RBMS3: variants seen among roughly 807,000 people sequenced by gnomAD.
RBMS3 encodes RNA-binding motif, single-stranded-interacting protein 3.
RBMS3 carries 27 observed loss-of-function variants against 66.8 expected under a neutral mutation model. The ratio of observed to expected loss-of-function variants is 0.40; its 90% CI spans 0.30 to 0.56. RBMS3 has a LOEUF of 0.56. RBMS3 is among the 20% of genes least tolerant of loss of function. The pLI is 0.40. For synonymous variants in RBMS3, 188 were observed against 183.0 expected (o/e 1.03, Z -0.22); for missense variants, 513 against 549.5 (o/e 0.93, Z 0.66).
intron 2 of RBMS3, among the ~76,000 whole-genome samples, chr3:29,446,322 A>G (rs74280189): frequency 9.7e-6 from 1 of 102,638 alleles, no homozygotes; most frequent in Non-Finnish European, 2.5e-5. Context: ...TCATATTTTT[A>G]TATAGCAGGA....
At chr3:29,922,303 A>G (rs1355143656) in intron 10 of RBMS3, among the ~76,000 whole-genome samples, 1 of 151,360 alleles carries the variant, frequency 6.6e-6, no homozygotes, top group African/African-American at 2.4e-5. Context: ...CTGGCTAACA[A>G]GGTGAAACCC....
chr3:29,905,193 C>T (rs1294466115), intron 10 of RBMS3, among the ~76,000 whole-genome samples: 3 of 151,878 alleles, frequency 2.0e-5, no homozygotes. Flanking sequence ...AATGGGTGTG[C>T]CTTGAGTTCC....
intron 4 of RBMS3, among the ~76,000 whole-genome samples, chr3:29,642,506 G>C (rs1409745889): frequency 1.3e-5 from 2 of 151,992 alleles, no homozygotes; most frequent in Non-Finnish European, 2.9e-5. Context: ...CCACCAAAAA[G>C]CATTTCATCT....
chr3:29,710,508 C>T (rs929973896), intron 4 of RBMS3, among the ~76,000 whole-genome samples: 8 of 152,132 alleles, frequency 5.3e-5, no homozygotes, highest in Admixed American at 3.3e-4. Flanking sequence ...GCTACACAGT[C>T]GCAGGCACAG....
At chr3:29,687,862 G>T (rs2051800665) in intron 4 of RBMS3, among the ~76,000 whole-genome samples, 1 of 151,858 alleles carries the variant, frequency 6.6e-6, no homozygotes, top group Non-Finnish European at 1.5e-5. Flanking sequence ...AGCTTCAAGG[G>T]GATTATTAGA....
Position 29,851,129 on chromosome 3 carries a change from A to G in RBMS3, c.638-17729A>G, listed in dbSNP as rs1370730700. Among the ~76,000 whole-genome samples, 3 of 152,084 alleles carry G rather than the reference A, an allele frequency of 2.0e-5. No homozygotes were observed. The East Asian group carries it at 5.8e-4, about 29-fold the overall frequency. On this transcript the variant is annotated intron_variant, in intron 6 of 14. Coordinates refer to ENST00000383767, the MANE Select transcript of RBMS3 (RefSeq NM_001003793.3). ...TCCTTACATTACCTTATCTTTTTTTAGCACTTCACAATTGAAGTTTTATTT... is the reference window on the plus strand; with the variant it reads ...TCCTTACATTACCTTATCTTTTTTTGGCACTTCACAATTGAAGTTTTATTT...
chr3:29,317,164 G>A lies in RBMS3; in HGVS notation c.75+35408G>A, dbSNP rs555434068. Among the ~76,000 whole-genome samples, 23 of 151,826 alleles carry A rather than the reference G, an allele frequency of 1.5e-4. 1 individual carries two copies. In the South Asian group the frequency reaches 1.9e-3, roughly 12 times the overall value. ...CTAAAAGGAAGCCTATTCATATTGC[G>A]TACTGTGACATTTATTCTTGTTTAG... On this transcript the variant is annotated intron_variant, in intron 1 of 14. Coordinates refer to ENST00000383767, the MANE Select transcript of RBMS3 (RefSeq NM_001003793.3).
intron 3 of RBMS3, among the ~76,000 whole-genome samples, chr3:29,499,102 T>G (rs903174182): frequency 6.6e-6 from 1 of 152,030 alleles, no homozygotes; most frequent in Non-Finnish European, 1.5e-5. Flanking sequence ...GGGAAAAAAA[T>G]TTTCTTTGTT....
chr3:29,345,949 A>G (rs990081372), intron 1 of RBMS3, among the ~76,000 whole-genome samples: 1 of 152,210 alleles, frequency 6.6e-6, no homozygotes, highest in African/African-American at 2.4e-5. Context: ...ATGTTAAAAC[A>G]ATGTCATTCT....
intron 3 of RBMS3, among the ~76,000 whole-genome samples, chr3:29,513,781 G>T (rs2044507056): frequency 1.3e-5 from 2 of 151,986 alleles, no homozygotes; most frequent in South Asian, 4.2e-4. Flanking sequence ...AAAAAATATT[G>T]TTGGGCCACA....
intron 6 of RBMS3, among the ~76,000 whole-genome samples, chr3:29,823,231 C>T (rs1175516213): frequency 3.9e-5 from 6 of 152,138 alleles, no homozygotes; most frequent in Admixed American, 3.3e-4. Flanking sequence ...CTTCCCCAGT[C>T]GTTACCCCTC....
rs2149603227 is a variant in RBMS3 at position 29,897,430 on chromosome 3, A to G, written c.843A>G (p.Thr281=). 13 of 1,611,244 alleles carry G rather than the reference A, an allele frequency of 8.1e-6. No homozygotes were observed. Among genetic ancestry groups the G allele is most frequent in the Non-Finnish European group, 1.1e-5 (13 of 1,178,104 alleles). ...CAACCAACCGCATGATTCCACAGACATCTATCACGCCATTCATTGCTGCTT... is the reference window on the plus strand; with the variant it reads ...CAACCAACCGCATGATTCCACAGACGTCTATCACGCCATTCATTGCTGCTT... ...SIATNRMIPQ[T]SITPFIAASP... The change falls in exon 9 of 15, where the codon ACA becomes ACG. Residue 281 remains threonine (T), a synonymous_variant. Transcript: ENST00000383767.
intron 10 of RBMS3, among the ~76,000 whole-genome samples, chr3:29,927,527 G>C (rs1327651117): frequency 6.6e-6 from 1 of 152,192 alleles, no homozygotes; most frequent in Non-Finnish European, 1.5e-5. Flanking sequence ...AATGTTATGG[G>C]AGAAGAGAGG....
At chr3:29,933,263 G>A (rs1204689087) in intron 10 of RBMS3, among the ~76,000 whole-genome samples, 1 of 152,146 alleles carries the variant, frequency 6.6e-6, no homozygotes, top group Non-Finnish European at 1.5e-5. Context: ...AGTTACGGTT[G>A]TGGATACTGG....
At chr3:29,924,975 T>A (rs989137624) in intron 10 of RBMS3, 1 of 152,174 alleles carries the variant, frequency 6.6e-6, no homozygotes, top group African/African-American at 2.4e-5. Flanking sequence ...CTTAGGAGTT[T>A]CTTTGTTATT....
chr3:29,928,211 T>TATATATATATATACACAC (rs1291440563), intron 10 of RBMS3, among the ~76,000 whole-genome samples: 1 of 93,508 alleles, frequency 1.1e-5, no homozygotes, highest in African/African-American at 4.2e-5. Context: ...TATATATATA[T>TATATATATATATACACAC]ACACACACAC....
intron 1 of RBMS3, among the ~76,000 whole-genome samples, chr3:29,333,389 A>G (rs1390633566): frequency 6.6e-6 from 1 of 152,152 alleles, no homozygotes; most frequent in Non-Finnish European, 1.5e-5. Context: ...AGCACGTATA[A>G]CATTCAGTGC....
intron 4 of RBMS3, among the ~76,000 whole-genome samples, chr3:29,609,764 T>A (rs1468991862): frequency 5.3e-5 from 8 of 151,960 alleles, no homozygotes; most frequent in African/African-American, 1.9e-4. Context: ...CTTTTAAAAT[T>A]TGTATTAAAC....
chr3:29,384,265 G>A (rs1297559911), intron 1 of RBMS3, among the ~76,000 whole-genome samples: 8 of 152,146 alleles, frequency 5.3e-5, no homozygotes, highest in East Asian at 1.9e-4. Context: ...GCTGTGAGCC[G>A]TGATCGCACC....
Sources: allele counts gnomAD v4.1 joint callset (sites outside exome capture counted in the v4.1 genomes callset), GRCh38; gene constraint gnomAD v4.1.1; transcripts MANE v1.5; gene names NCBI Gene and HGNC (gene_info 2026-07-23, HGNC 2026-07-21).